ENOX1: variants seen among roughly 807,000 people sequenced by gnomAD.
The protein encoded by ENOX1 is candidate growth-related and time keeping constitutive hydroquinone (NADH) oxidase.
Under a neutral mutation model 82.5 loss-of-function variants are expected in ENOX1, and 42 were observed. The observed-to-expected ratio is 0.51, with a 90% CI of 0.40 to 0.66. The LOEUF is 0.66. ENOX1 is among the 30% of genes least tolerant of loss of function. The pLI, the probability that ENOX1 is intolerant of heterozygous loss-of-function variation, is 0.00. For synonymous variants in ENOX1, 271 were observed against 282.2 expected, an observed-to-expected ratio of 0.96 and a Z score of 0.40; for missense variants, 608 against 811.6, an observed-to-expected ratio of 0.75 and a Z score of 3.05.
intron 5 of ENOX1, among the ~76,000 whole-genome samples, chr13:43,385,413 GA>G (rs1309749022): frequency 6.8e-6 from 1 of 147,886 alleles, no homozygotes; most frequent in Non-Finnish European, 1.5e-5. Flanking sequence ...AAATCAACAA[GA>G]AAAAAAAATG....
chr13:43,458,589 T>G (rs534544724), intron 3 of ENOX1: 1 of 152,216 alleles, frequency 6.6e-6, no homozygotes, highest in Non-Finnish European at 1.5e-5. Context: ...AGAAAATCAT[T>G]ATATTGCTAT....
rs1026650090 is a variant in ENOX1, at chr13:43,648,581, T to C, written c.-219+18898A>G. Among the ~76,000 whole-genome samples, 5 of 152,296 alleles carry C rather than the reference T, an allele frequency of 3.3e-5. 1 individual carries two copies. Among genetic ancestry groups the C allele is most frequent in the African/African-American group, 1.2e-4 (5 of 41,556 alleles). ...CTAAGCAAAGGTCCAAGAGAGTTCA[T>C]AAGCCACTAACTCGTGGCTGACCTA... On this transcript the variant is annotated intron_variant, in intron 2 of 16. Coordinates refer to ENST00000690772, the MANE Select transcript of ENOX1 (RefSeq NM_001347969.2).
At chr13:43,465,339 A>T (rs563941913) in intron 3 of ENOX1, among the ~76,000 whole-genome samples, 55 of 152,320 alleles carry the variant, frequency 3.6e-4, no homozygotes, top group Non-Finnish European at 6.3e-4. Flanking sequence ...ATCAAATACC[A>T]TGTTATTTAT....
intron 3 of ENOX1, among the ~76,000 whole-genome samples, chr13:43,426,543 A>C (rs865830352): frequency 2.6e-5 from 4 of 152,158 alleles, no homozygotes; most frequent in African/African-American, 9.6e-5. Context: ...GTCCTCTGAT[A>C]TCTTTACTCT....
intron 1 of ENOX1, among the ~76,000 whole-genome samples, chr13:43,766,042 T>C (rs1052048765): frequency 1.3e-5 from 2 of 152,220 alleles, no homozygotes; most frequent in African/African-American, 2.4e-5. Context: ...TCATTAGTCA[T>C]TTTATATGTG....
chr13:43,373,064 T>A (rs1043397877), intron 5 of ENOX1, among the ~76,000 whole-genome samples: 28 of 152,196 alleles, frequency 1.8e-4, no homozygotes, highest in African/African-American at 6.8e-4. Context: ...ACTCAACACA[T>A]ATTACTATCA....
At chr13:43,334,215 C>G (rs1167265375) in intron 9 of ENOX1, among the ~76,000 whole-genome samples, 1 of 152,200 alleles carries the variant, frequency 6.6e-6, no homozygotes, top group East Asian at 1.9e-4. Flanking sequence ...GAGGTAGGTG[C>G]TAGTATGAAT....
At chr13:43,509,224 G>T (rs2077279979) in intron 2 of ENOX1, among the ~76,000 whole-genome samples, 1 of 151,898 alleles carries the variant, frequency 6.6e-6, no homozygotes, top group Non-Finnish European at 1.5e-5. Context: ...AAAATATGAG[G>T]TGAATAAATG....
intron 8 of ENOX1, among the ~76,000 whole-genome samples, chr13:43,353,553 A>G (rs1444555918): frequency 1.3e-5 from 2 of 152,240 alleles, no homozygotes; most frequent in East Asian, 3.8e-4. Context: ...TCAGGGAAAC[A>G]GTGTCCTCAG....
At chr13:43,222,254 A>G (rs1271096859) in intron 16 of ENOX1, among the ~76,000 whole-genome samples, 1 of 152,118 alleles carries the variant, frequency 6.6e-6, no homozygotes, top group Non-Finnish European at 1.5e-5. Context: ...AGGGAACGTC[A>G]CAAATCTTAC....
intron 1 of ENOX1, among the ~76,000 whole-genome samples, chr13:43,780,948 A>G (rs904196465): frequency 3.3e-5 from 5 of 152,220 alleles, no homozygotes; most frequent in Non-Finnish European, 5.9e-5. Context: ...CATTGGGGCC[A>G]GCAAACTTTA....
rs1202140298 is a variant in ENOX1 at position 43,723,202 on chromosome 13, T to C, written c.-284-55658A>G. 2.6e-5 allele frequency among the ~76,000 whole-genome samples: 4 copies of C among 152,254 alleles called. No individual in the cohort carries two copies. In the South Asian group the frequency reaches 6.2e-4, roughly 24 times the overall value. On this transcript the variant is annotated intron_variant, in intron 1 of 16. Coordinates refer to ENST00000690772, the MANE Select transcript of ENOX1 (RefSeq NM_001347969.2). ...TTTTGTCCCATTTGAAGATATACTA[T>C]ATAGCTTTTTATATTTAAGCATCTT...
chr13:43,761,837 G>T (rs908475357), intron 1 of ENOX1, among the ~76,000 whole-genome samples: 14 of 152,182 alleles, frequency 9.2e-5, no homozygotes, highest in Admixed American at 8.5e-4. Flanking sequence ...CAAGTAGTCA[G>T]CTGTAGAACA....
At chr13:43,432,485 A>G (rs1384401688) in intron 3 of ENOX1, among the ~76,000 whole-genome samples, 1 of 150,994 alleles carries the variant, frequency 6.6e-6, no homozygotes, top group Non-Finnish European at 1.5e-5. Flanking sequence ...CTAAAAATAG[A>G]AAAAAAAATG....
chr13:43,223,470 TTTG>T (rs2041887567), intron 16 of ENOX1, among the ~76,000 whole-genome samples: 1 of 152,150 alleles, frequency 6.6e-6, no homozygotes, highest in Non-Finnish European at 1.5e-5. Flanking sequence ...GTACAGCTAA[TTTG>T]TGGATGGGAA....
chr13:43,521,037 T>C (rs1490546769), intron 2 of ENOX1, among the ~76,000 whole-genome samples: 1 of 152,098 alleles, frequency 6.6e-6, no homozygotes, highest in Non-Finnish European at 1.5e-5. Context: ...TTCCTTAATA[T>C]AGCAATGCAT....
At chr13:43,357,128 T>C (rs529258763) in intron 7 of ENOX1, among the ~76,000 whole-genome samples, 2 of 152,090 alleles carry the variant, frequency 1.3e-5, no homozygotes, top group Admixed American at 6.5e-5. Flanking sequence ...TTTCAGAACA[T>C]AAATCCAGGT....
intron 2 of ENOX1, among the ~76,000 whole-genome samples, chr13:43,499,228 G>A (rs1398680422): frequency 6.6e-6 from 1 of 151,562 alleles, no homozygotes; most frequent in Non-Finnish European, 1.5e-5. Context: ...TGATCTCTGT[G>A]GTATCCTAGA....
intron 2 of ENOX1, among the ~76,000 whole-genome samples, chr13:43,484,557 A>G (rs2058620495): frequency 6.6e-6 from 1 of 152,232 alleles, no homozygotes; most frequent in African/African-American, 2.4e-5. Context: ...TCCATTTTAC[A>G]GATGAGAAAA....
Sources: gnomAD v4.1 joint callset for allele counts (sites outside exome capture counted in the v4.1 genomes callset) on GRCh38, gnomAD v4.1.1 for gene constraint, MANE v1.5 for transcripts, NCBI Gene and HGNC (gene_info 2026-07-23, HGNC 2026-07-21) for gene names.